ODAM: variants seen among roughly 807,000 people sequenced by gnomAD.
ODAM encodes odontogenic, ameloblast associated.
A neutral mutation model predicts 48.5 loss-of-function variants in ODAM; 55 were observed. The ratio of observed to expected loss-of-function variants is 1.13; its 90% CI spans 0.91 to 1.42. The LOEUF is 1.42. Ranked by LOEUF, ODAM falls within the 40% of genes most tolerant of loss-of-function variation. The probability of loss-of-function intolerance (pLI) is 0.00; values close to 1 mark genes in which losing one functional copy is unlikely to be tolerated. For missense variants in ODAM, 353 were observed against 323.6 expected (o/e 1.09, Z -0.70); for synonymous variants, 127 against 107.8 (o/e 1.18, Z -1.10).
chr4:70,204,023 T>G (rs1339960547), intron 11 of ODAM, among the ~76,000 whole-genome samples, 152 bp from the exon 12 acceptor site: 1 of 151,936 alleles, frequency 6.6e-6, no homozygotes, highest in East Asian at 1.9e-4. Context: ...ACTAAAGAGA[T>G]TTCAGTATTT....
intron 1 of ODAM, among the ~76,000 whole-genome samples, 167 bp downstream of exon 1, chr4:70,195,960 C>A (rs1729348371): frequency 6.6e-6 from 1 of 151,880 alleles, no homozygotes. Flanking sequence ...ACAGGTTACA[C>A]CATAAATCAA....
At position 70,197,378 on chromosome 4, in the gene ODAM, TTA is replaced by T; in HGVS notation, c.141+59_141+60del. On this transcript the variant is annotated intron_variant, in intron 4 of 11. Transcript: ENST00000683306. Reference sequence around the variant, plus strand: ...AATATTTACCTATTGCTCATTTATGTTATTTTGTAAGAAAACAAAATGTTTCC... The same window carrying T: ...AATATTTACCTATTGCTCATTTATGTTTTTGTAAGAAAACAAAATGTTTCC... 3 of 948,612 alleles carry T rather than the reference TTA, an allele frequency of 3.2e-6. No individual in the cohort carries two copies. The South Asian group carries it at 4.1e-5, about 13-fold the overall frequency. The allele number at this position is 948,612 out of a possible 1,614,324, so 58.8% of individuals were successfully genotyped here.
chr4:70,203,748 A>G (rs1338783480), intron 11 of ODAM, among the ~76,000 whole-genome samples: 2 of 151,948 alleles, frequency 1.3e-5, no homozygotes, highest in African/African-American at 4.8e-5. Context: ...GTCTGGGAAC[A>G]GCACCAAAAA....
At chr4:70,200,383 T>C in intron 6 of ODAM, 114 bp from the exon 7 acceptor site, 3 of 597,436 alleles carry the variant, frequency 5.0e-6, no homozygotes, top group South Asian at 2.2e-5. Context: ...TATTTAATCA[T>C]ATAAAGCTGC....
chr4:70,202,896 C>T lies in ODAM; in HGVS notation c.789C>T (p.Thr263=). Residue 263 remains threonine, a synonymous_variant, in exon 10 of 12, where the codon ACC becomes ACT. Coordinates refer to ENST00000683306, the MANE Select transcript of ODAM (RefSeq NM_017855.4). ...VFTSAVDQTI[T]PELPEEKDKT... is the part of the protein sequence containing the mutation. ...CTTCTGCTGTAGACCAAACTATTAC[C>T]CCAGAGCTCCCAGAAGAGAAGGTAG... 1 of 1,610,470 alleles carries T rather than the reference C, an allele frequency of 6.2e-7. No homozygotes were observed. Among genetic ancestry groups the T allele is most frequent in the South Asian group, 1.1e-5 (1 of 90,756 alleles).
intron 9 of ODAM, among the ~76,000 whole-genome samples, 163 bp downstream of exon 9, chr4:70,202,492 C>T (rs1729522379): frequency 6.6e-6 from 1 of 151,894 alleles, no homozygotes; most frequent in Admixed American, 6.6e-5. Flanking sequence ...TTCACTCTTA[C>T]TCAGTTCATC....
In ODAM at chr4:70,196,451, A is replaced by G. The variant is rs1729364846; in HGVS notation, c.-15-78A>G. 11 of 752,312 alleles carry G rather than the reference A, an allele frequency of 1.5e-5. No homozygotes were observed. The South Asian group carries it at 2.4e-4, about 17-fold the overall frequency. The allele number at this position is 752,312 out of a possible 1,614,324, so 46.6% of individuals were successfully genotyped here. ...TAGAATTCACCCAGCTATTCCTTTG[A>G]TTGAACAATACTAATTATTTTGTCA... is the stretch of plus-strand genomic sequence containing the variant. On this transcript the variant is annotated intron_variant, in intron 1 of 11. Coordinates refer to ENST00000683306, the MANE Select transcript of ODAM (RefSeq NM_017855.4).
At chr4:70,196,796 A>G in intron 3 of ODAM, 63 bp downstream of exon 3, 1 of 1,330,104 alleles carries the variant, frequency 7.5e-7, no homozygotes, top group East Asian at 2.3e-5. Flanking sequence ...GGGAAGAGAT[A>G]GAAGTCGTCA....
intron 9 of ODAM, 96 bp downstream of exon 9, chr4:70,202,425 C>A: frequency 9.8e-7 from 1 of 1,023,554 alleles, no homozygotes; most frequent in Non-Finnish European, 1.5e-6. Flanking sequence ...TGTTGTAATT[C>A]CATCAATAAT....
chr4:70,202,725 A>T, intron 9 of ODAM, 31 bp from the exon 10 acceptor site: 2 of 1,575,898 alleles, frequency 1.3e-6, no homozygotes, highest in Non-Finnish European at 1.7e-6. Flanking sequence ...TGAACTTACG[A>T]CAACTTTGTT....
chr4:70,204,509 A>G lies in ODAM; in HGVS notation c.*364A>G, dbSNP rs1202913843. The G allele has an allele frequency of 6.6e-6, 1 of 152,006 alleles. No homozygotes were observed. Among genetic ancestry groups the G allele is most frequent in the African/African-American group, 2.4e-5 (1 of 41,416 alleles). 9.4% of individuals were successfully genotyped at this position (152,006 alleles called of 1,614,324 possible). ...TGGTAGTACCCATGAAGATATGTAT[A>G]TTGTCATTGGATGTATGATGAGTGT... On this transcript the variant is annotated 3_prime_UTR_variant, in exon 12 of 12. Coordinates refer to ENST00000683306, the MANE Select transcript of ODAM (RefSeq NM_017855.4).
chr4:70,202,743 T>G lies in ODAM; in HGVS notation c.649-13T>G. ...ACTTACGACAACTTTGTTTTCATTC[T>G]CATTCTCTGTAGTCAACAGGAGAAG... On this transcript the variant is annotated splice_polypyrimidine_tract_variant and intron_variant, in intron 9 of 11. Transcript: ENST00000683306. 6.3e-7 allele frequency: 1 copy of G among 1,593,586 alleles called. No individual in the cohort carries two copies. Among genetic ancestry groups the G allele is most frequent in the Non-Finnish European group, 8.5e-7 (1 of 1,170,440 alleles).
At chr4:70,197,791 G>T in intron 4 of ODAM, 133 bp from the exon 5 acceptor site, 1 of 677,906 alleles carries the variant, frequency 1.5e-6, no homozygotes. Flanking sequence ...GAATCAAGAT[G>T]CTGTCCTTTT....
Position 70,196,607 on chromosome 4 carries a change from A to AT in ODAM, c.51+14dup. The AT allele has an allele frequency of 6.3e-7, 1 of 1,593,572 alleles. No homozygotes were observed. The highest frequency in any genetic ancestry group is 8.6e-7 in the Non-Finnish European group (1 of 1,163,944). ...ATTGTCAGCCCCAGTAAGTGATTTTATGGCACTACTAGTCCCACTGTGTTA... is the reference window on the plus strand; with the variant it reads ...ATTGTCAGCCCCAGTAAGTGATTTTATTGGCACTACTAGTCCCACTGTGTTA... On this transcript the variant is annotated intron_variant, in intron 2 of 11. Coordinates refer to ENST00000683306, the MANE Select transcript of ODAM (RefSeq NM_017855.4).
At position 70,202,309 on chromosome 4, in the gene ODAM, G is replaced by A. The variant is rs771939173; in HGVS notation, c.628G>A (p.Ala210Thr). 6.2e-7 allele frequency: 1 copy of A among 1,611,746 alleles called. No homozygotes were observed. Among genetic ancestry groups the A allele is most frequent in the Non-Finnish European group, 8.5e-7 (1 of 1,178,470 alleles). Residue 210 changes from alanine to threonine, a missense_variant, in exon 9 of 12, where the codon GCT (alanine) becomes ACT (threonine). Coordinates refer to ENST00000683306, the MANE Select transcript of ODAM (RefSeq NM_017855.4). ...QLAFDPQLGTAPEIAVMSTGE... is the reference protein window; with the variant it reads ...QLAFDPQLGTTPEIAVMSTGE... ...AGCTTTTGATCCCCAACTAGGCACA[G>A]CTCCTGAAATTGCTGTGATGGTAAG...
rs775814437 is a variant in ODAM, at chr4:70,200,493, G to A, written c.424-4G>A. On this transcript the variant is annotated splice_polypyrimidine_tract_variant and splice_region_variant and intron_variant, in intron 6 of 11. Coordinates refer to ENST00000683306, the MANE Select transcript of ODAM (RefSeq NM_017855.4). The stretch of plus-strand genomic sequence containing the variant: ...CTCTTGTATCCTTCTCTTTTTACAA[G>A]TAGATGTTTCAATACTATCCAGTTT... 10 of 1,529,958 alleles carry A rather than the reference G, an allele frequency of 6.5e-6. No individual in the cohort carries two copies. Among genetic ancestry groups the A allele is most frequent in the Middle Eastern group, 3.4e-4 (2 of 5,886 alleles). 94.8% of individuals were successfully genotyped at this position (1,529,958 alleles called of 1,614,324 possible). A position where few individuals can be genotyped will look rare whatever the true frequency, so the allele number is the denominator to read the frequency against.
At chr4:70,201,738 G>A (rs1450481066) in intron 8 of ODAM, among the ~76,000 whole-genome samples, 1 of 151,822 alleles carries the variant, frequency 6.6e-6, no homozygotes, top group African/African-American at 2.4e-5. Flanking sequence ...AGGTAATTTG[G>A]GGAAGATTGC....
chr4:70,197,809 G>A, intron 4 of ODAM, 115 bp from the exon 5 acceptor site: 1 of 742,452 alleles, frequency 1.3e-6, no homozygotes, highest in Non-Finnish European at 2.2e-6. Flanking sequence ...TTTTTATGTT[G>A]CAACATTGGA....
intron 9 of ODAM, 90 bp from the exon 10 acceptor site, chr4:70,202,666 A>C (rs556791677): frequency 1.1e-6 from 1 of 905,442 alleles, no homozygotes; most frequent in Admixed American, 2.5e-5. Flanking sequence ...TGCTTTTGTT[A>C]CATCTCAATC....
Sources: allele counts gnomAD v4.1 joint callset (sites outside exome capture counted in the v4.1 genomes callset), GRCh38; gene constraint gnomAD v4.1.1; transcripts MANE v1.5; gene names NCBI Gene and HGNC (gene_info 2026-07-23, HGNC 2026-07-21).